Variants in PI16 observed in about 807,000 individuals in gnomAD.
PI16 encodes the protein PSP94-binding protein.
A neutral mutation model predicts 38.0 loss-of-function variants in PI16; 35 were observed. That is an observed-to-expected ratio of 0.92 (90% CI 0.70 to 1.22). The LOEUF (loss-of-function observed/expected upper bound fraction) is 1.22, where lower values mean the gene tolerates loss of function less well. Ranked by LOEUF, PI16 falls within the 50% of genes most tolerant of loss-of-function variation. The pLI, the probability that PI16 is intolerant of heterozygous loss-of-function variation, is 0.00. For missense variants in PI16, 572 were observed against 593.8 expected (o/e 0.96, Z 0.38); for synonymous variants, 275 against 252.9 (o/e 1.09, Z -0.83).
At chr6:36,957,478 T>A (rs1763236940) in intron 1 of PI16, among the ~76,000 whole-genome samples, 1 of 152,216 alleles carries the variant, frequency 6.6e-6, no homozygotes, top group African/African-American at 2.4e-5. Flanking sequence ...AAATGACTTT[T>A]ATGTCAATGG....
chr6:36,953,168 T>A (rs1763127581), upstream of PI16, among the ~76,000 whole-genome samples: 6 of 151,858 alleles, frequency 4.0e-5, no homozygotes. Context: ...AATACAAAAA[T>A]TTGCCGGGCA....
At chr6:36,959,423 G>C in intron 2 of PI16, 57 bp downstream of exon 2, 1 of 1,484,030 alleles carries the variant, frequency 6.7e-7, no homozygotes, top group Non-Finnish European at 9.0e-7. Context: ...GTGGGGCCAC[G>C]TGCTCCCTGG....
chr6:36,963,161 G>A lies in PI16; in HGVS notation c.819G>A (p.Pro273=), dbSNP rs763232029. 6.1e-5 allele frequency: 99 copies of A among 1,614,042 alleles called. No homozygotes were observed. Among genetic ancestry groups the A allele is most frequent in the Non-Finnish European group, 7.7e-5 (91 of 1,180,034 alleles). The change falls in exon 5 of 7, where the codon CCG becomes CCA. Residue 273 remains proline, a synonymous_variant. Transcript: ENST00000373674. ...CAACTTCCTTAGCAACGAAAGACCC[G>A]CCCTCCATGGCAACAGAGGCTCCAC... ...QAPTSLATKD[P]PSMATEAPPC... is the part of the protein sequence containing the mutation.
intron 2 of PI16, among the ~76,000 whole-genome samples, chr6:36,960,325 A>ATGTGTGTGTGTGTG (rs10664545): frequency 0.013 from 1,826 of 139,978 alleles, 28 homozygotes; most frequent in Middle Eastern, 0.025. Context: ...TGCAGATAAG[A>ATGTGTGTGTGTGTG]TGTGTGTGTG....
chr6:36,959,817 G>A (rs1419141262), intron 2 of PI16, among the ~76,000 whole-genome samples: 1 of 150,726 alleles, frequency 6.6e-6, no homozygotes, highest in Non-Finnish European at 1.5e-5. Context: ...GCAGTGAGTC[G>A]TGATCACACC....
At position 36,959,183 on chromosome 6, in the gene PI16, C is replaced by T. The variant is rs539412054; in HGVS notation, c.210C>T (p.Tyr70=). ...DEELAAFAKA[Y]ARQCVWGHNK... is the part of the protein sequence containing the mutation. ...AGCTGGCCGCCTTCGCCAAGGCCTA[C>T]GCACGGCAGTGCGTGTGGGGCCACA... is the stretch of plus-strand genomic sequence containing the variant. Residue 70 remains tyrosine, a synonymous_variant, in exon 2 of 7, where the codon TAC becomes TAT. Coordinates refer to ENST00000373674, the MANE Select transcript of PI16 (RefSeq NM_153370.3). The T allele has an allele frequency of 1.9e-6, 3 of 1,611,042 alleles. No homozygotes were observed. The highest frequency in any genetic ancestry group is 2.5e-6 in the Non-Finnish European group (3 of 1,179,270).
chr6:36,954,666 C>T, upstream of PI16: 2 of 1,503,156 alleles, frequency 1.3e-6, no homozygotes, highest in South Asian at 1.4e-5. Context: ...ACGGCCCCCA[C>T]TGCCCCACCC....
chr6:36,960,924 T>C (rs568578460), intron 2 of PI16, among the ~76,000 whole-genome samples: 2 of 152,240 alleles, frequency 1.3e-5, no homozygotes, highest in South Asian at 4.2e-4. Context: ...TTGATAAAGA[T>C]AGAAGTCTTT....
chr6:36,961,843 G>T (rs370212462), intron 3 of PI16, 43 bp from the exon 4 acceptor site: 4 of 1,501,682 alleles, frequency 2.7e-6, no homozygotes, highest in Non-Finnish European at 3.7e-6. Context: ...AGGGTTGGGA[G>T]GGGTCGACCC....
Position 36,962,836 on chromosome 6 carries a change from C to T in PI16, c.593-99C>T. ...GAAGTGTATGTGTGTGTTTGTGTGT[C>T]CTGGTAGGACATTTGGTCGCGTCAC... On this transcript the variant is annotated intron_variant, in intron 4 of 6. Transcript: ENST00000373674. The surrounding 1 kb of genome is among the most constrained non-coding windows in gnomAD (Gnocchi z 4.1). 3 of 1,013,834 alleles carry T rather than the reference C, an allele frequency of 3.0e-6. No homozygotes were observed. Among genetic ancestry groups the T allele is most frequent in the Non-Finnish European group, 4.3e-6 (3 of 690,538 alleles). The allele number at this position is 1,013,834 out of a possible 1,614,324, so 62.8% of individuals were successfully genotyped here.
intron 3 of PI16, 129 bp downstream of exon 3, chr6:36,961,689 G>C: frequency 1.1e-6 from 1 of 935,884 alleles, no homozygotes; most frequent in Non-Finnish European, 1.7e-6. Flanking sequence ...ACTGTCCAGG[G>C]AGCTGTGAAG....
intron 2 of PI16, among the ~76,000 whole-genome samples, 178 bp downstream of exon 2, chr6:36,959,544 A>G (rs1449419367): frequency 6.6e-6 from 1 of 152,224 alleles, no homozygotes; most frequent in East Asian, 1.9e-4. Context: ...ACTGCAGCTA[A>G]TACGCTGTCT....
chr6:36,949,633 C>G (rs1763068245), intron 1 of PI16, among the ~76,000 whole-genome samples: 1 of 152,172 alleles, frequency 6.6e-6, no homozygotes, highest in South Asian at 2.1e-4. Flanking sequence ...CAGACTAACC[C>G]ATTTTCCTGA....
intron 1 of PI16, among the ~76,000 whole-genome samples, chr6:36,955,585 C>T (rs139310726): frequency 9.2e-4 from 140 of 152,176 alleles, no homozygotes; most frequent in African/African-American, 3.1e-3. Context: ...ATTAGAGCTA[C>T]GTATATACCA....
chr6:36,960,425 A>G (rs1763330550), intron 2 of PI16, among the ~76,000 whole-genome samples: 1 of 151,632 alleles, frequency 6.6e-6, no homozygotes, highest in African/African-American at 2.4e-5. Flanking sequence ...TATGTGTTGT[A>G]CAAATAATAA....
intron 1 of PI16, among the ~76,000 whole-genome samples, chr6:36,948,668 CCTCCCTCCCTCCTT>C: frequency 1.2e-3 from 5 of 4,164 alleles, no homozygotes; most frequent in South Asian, 0.022. Context: ...TTCCCTCCTT[CCTCCCTCCCTCCTT>C]CCTCCCTCCT....
chr6:36,948,556 C>G (rs1032449166), intron 1 of PI16, among the ~76,000 whole-genome samples: 2 of 151,398 alleles, frequency 1.3e-5, no homozygotes, highest in African/African-American at 4.8e-5. Context: ...CCTCCACCTT[C>G]CAAAGTGCTG....
intron 2 of PI16, among the ~76,000 whole-genome samples, chr6:36,959,640 A>T (rs950074221): frequency 2.0e-5 from 3 of 152,186 alleles, no homozygotes; most frequent in Non-Finnish European, 4.4e-5. Flanking sequence ...TGGGAGGCCG[A>T]GCTGGGAGGA....
At chr6:36,950,786 G>A (rs548422871), upstream of PI16, among the ~76,000 whole-genome samples, 164 of 152,158 alleles carry the variant, frequency 1.1e-3, no homozygotes, top group South Asian at 7.9e-3. The surrounding 1 kb of genome is among the most constrained non-coding windows in gnomAD (Gnocchi z 4.2). Flanking sequence ...CAGGTGATCC[G>A]CCCGCCTCGG....
Sources: allele counts gnomAD v4.1 joint callset (sites outside exome capture counted in the v4.1 genomes callset), GRCh38; gene constraint gnomAD v4.1.1; non-coding constraint Gnocchi (gnomAD v3.1); transcripts MANE v1.5; gene names NCBI Gene and HGNC (gene_info 2026-07-23, HGNC 2026-07-21).